The following TTN variants were observed in gnomAD, a reference collection of about 807,000 sequenced individuals.
TTN encodes titin.
In TTN, 1,525 loss-of-function variants were observed where a neutral mutation model predicts 3,223.0. The ratio of observed to expected loss-of-function variants is 0.47; its 90% CI spans 0.45 to 0.49. The LOEUF (loss-of-function observed/expected upper bound fraction) is 0.49, where lower values mean the gene tolerates loss of function less well. Ranked by LOEUF, TTN falls within the 20% of genes least tolerant of loss-of-function variation. TTN has a pLI of 0.00. For synonymous variants in TTN, 14,094 were observed against 15,161.0 expected, an observed-to-expected ratio of 0.93 and a Z score of 5.17; for missense variants, 40,786 against 43,424.0, an observed-to-expected ratio of 0.94 and a Z score of 5.40.
Position 178,549,996 on chromosome 2 carries a change from C to G in TTN, c.91842G>C (p.Val30614=). The G allele has an allele frequency of 6.2e-6, 10 of 1,607,498 alleles. No homozygotes were observed. Among genetic ancestry groups the G allele is most frequent in the South Asian group, 1.1e-5 (1 of 90,458 alleles). ...CTATTTTAAAAGTACCTTGTACTTT[C>G]ACTTTAATTTCTGCTTTTGCAGAAC... ...ASGSAKAEIK[V]KVQDTPGKVV... is the part of the protein sequence containing the mutation. The change falls in exon 337 of 363, where the codon GTG becomes GTC. Residue 30614 remains valine, a synonymous_variant. Coordinates refer to ENST00000589042, the MANE Select transcript of TTN (RefSeq NM_001267550.2).
Position 178,555,008 on chromosome 2 carries a change from T to C in TTN, c.88451A>G (p.Asn29484Ser). The change falls in exon 331 of 363, where the codon AAT (asparagine) becomes AGT (serine). Residue 29484 changes from asparagine to serine, a missense_variant. By Grantham distance (46) the Asn-to-Ser change is conservative (BLOSUM62 1). Transcript: ENST00000589042. ...GGTATTTTCAACACACACCAGTGCA[T>C]TGGTTTGTAATTCTTTATCATCTTT... is the stretch of plus-strand genomic sequence containing the variant. ...WYKDDKELQT[N>S]ALVCVENTTD... The C allele has an allele frequency of 1.9e-6, 3 of 1,613,700 alleles. No homozygotes were observed. Among genetic ancestry groups the C allele is most frequent in the Non-Finnish European group, 2.5e-6 (3 of 1,179,786 alleles).
chr2:178,542,722 T>G lies in TTN; in HGVS notation c.97132A>C (p.Thr32378Pro). Reference sequence around the variant, plus strand: ...CCGGTAACATTCTTCAATTCAAGTGTGTATTCTCCAGTATCTCTGATAGTG... The same window carrying G: ...CCGGTAACATTCTTCAATTCAAGTGGGTATTCTCCAGTATCTCTGATAGTG... ...ETTIRDTGEY[T>P]LELKNVTGTT... Residue 32378 changes from threonine to proline, a missense_variant, in exon 348 of 363, where the codon ACA becomes CCA. By Grantham distance (38) the Thr-to-Pro change is conservative. Coordinates refer to ENST00000589042, the MANE Select transcript of TTN (RefSeq NM_001267550.2). 1 of 1,613,874 alleles carries G rather than the reference T, an allele frequency of 6.2e-7. No homozygotes were observed. Among genetic ancestry groups the G allele is most frequent in the East Asian group, 2.2e-5 (1 of 44,876 alleles).
Position 178,649,568 on chromosome 2 carries a change from G to A in TTN, c.39959C>T (p.Thr13320Ile). The change falls in exon 212 of 363, where the codon ACA becomes ATA. Residue 13320 changes from threonine (T) to isoleucine (I), a missense_variant. Thr to Ile is a moderately conservative substitution (Grantham distance 89, BLOSUM62 -1). Transcript: ENST00000589042. ...KKVPTVKKPE[T>I]PAAKVPEVPK... ...GAAGTGAATACCTTTAGCTGCTGGT[G>A]TTTCTGGCTTCTTAACAGTTGGGAC... 6.5e-7 allele frequency: 1 copy of A among 1,549,798 alleles called. No individual in the cohort carries two copies. The highest frequency in any genetic ancestry group is 8.7e-7 in the Non-Finnish European group (1 of 1,146,510).
Position 178,731,622 on chromosome 2 carries a change from T to C in TTN, c.17183-39A>G, listed in dbSNP as rs991198413. 29 of 1,571,164 alleles carry C rather than the reference T, an allele frequency of 1.8e-5. No individual in the cohort carries two copies. The East Asian group carries it at 5.2e-4, about 28-fold the overall frequency. The stretch of plus-strand genomic sequence containing the variant: ...GAATTCTCAATCAATATTATCCCTA[T>C]AGCAAAAGTGGCTTAAAAAAAAGAA... On this transcript the variant is annotated intron_variant, in intron 58 of 362. Coordinates refer to ENST00000589042, the MANE Select transcript of TTN (RefSeq NM_001267550.2).
At position 178,526,939 on chromosome 2, in the gene TTN, C is replaced by T; in HGVS notation, c.*73G>A. 1.5e-6 allele frequency: 2 copies of T among 1,348,990 alleles called. No homozygotes were observed. The highest frequency in any genetic ancestry group is 1.5e-5 in the African/African-American group (1 of 68,174). 83.6% of individuals were successfully genotyped at this position (1,348,990 alleles called of 1,614,324 possible). A position where few individuals can be genotyped will look rare whatever the true frequency, so the allele number is the denominator to read the frequency against. ...TTTTTTTCTTTAAATATTTACAGTTCAGAAAGATTAGTCCGTGTGAAACGT... is the reference window on the plus strand; with the variant it reads ...TTTTTTTCTTTAAATATTTACAGTTTAGAAAGATTAGTCCGTGTGAAACGT... On this transcript the variant is annotated 3_prime_UTR_variant, in exon 363 of 363. Coordinates refer to ENST00000589042, the MANE Select transcript of TTN (RefSeq NM_001267550.2).
At chr2:178,651,369 T>C (rs1560096229) in intron 207 of TTN, 49 bp from the exon 208 acceptor site, 2 of 1,606,580 alleles carry the variant, frequency 1.2e-6, no homozygotes, top group Non-Finnish European at 8.5e-7. Flanking sequence ...CCAGTAAACA[T>C]TCATCACATT....
In TTN at chr2:178,629,350, A is replaced by T. The variant is rs747654057; in HGVS notation, c.44375T>A (p.Ile14792Asn). ...CCCTTTGAGATACCATTCCACTGGG[A>T]TATCTTCGTAGGAGAGCTCGCAGTC... ...TFDCELSYED[I>N]PVEWYLKGKK... The change falls in exon 240 of 363, where the codon ATC becomes AAC. Residue 14792 changes from isoleucine to asparagine, a missense_variant. Transcript: ENST00000589042. 3.5e-5 allele frequency: 57 copies of T among 1,612,784 alleles called. No individual in the cohort carries two copies. The highest frequency in any genetic ancestry group is 4.4e-5 in the Non-Finnish European group (52 of 1,179,294).
rs757783646 is a variant in TTN at position 178,537,103 on chromosome 2, C to T, written c.100006G>A (p.Gly33336Arg). Residue 33336 changes from glycine (G) to arginine (R), a missense_variant, in exon 356 of 363, where the codon GGG (glycine) becomes AGG (arginine). Gly to Arg is a moderately radical substitution (Grantham distance 125). Transcript: ENST00000589042. ...YVVEKCEAKE[G>R]AEWQLVSSAI... ...GAAGACACCAATTGCCATTCAGCCC[C>T]CTCCTTGGCCTCACATTTTTCCACC... 2.5e-6 allele frequency: 4 copies of T among 1,613,118 alleles called. No homozygotes were observed. The African/African-American group carries it at 4.0e-5, about 16-fold the overall frequency.
Position 178,565,674 on chromosome 2 carries a change from G to T in TTN, c.80458C>A (p.Gln26820Lys). 1 of 1,613,606 alleles carries T rather than the reference G, an allele frequency of 6.2e-7. No homozygotes were observed. Residue 26820 changes from glutamine to lysine, a missense_variant, in exon 326 of 363, where the codon CAG (glutamine) becomes AAG (lysine). Transcript: ENST00000589042. ...SRVLGYVVEM[Q>K]PKGTEKWSIV... Reference sequence around the variant, plus strand: ...CTCCATTTTTCAGTTCCTTTGGGCTGCATTTCAACAACGTACCCCAGGACT... The same window carrying T: ...CTCCATTTTTCAGTTCCTTTGGGCTTCATTTCAACAACGTACCCCAGGACT...
In TTN at chr2:178,527,497, TA is replaced by T. The variant is rs766624923; in HGVS notation, c.107628del (p.Asn35876LysfsTer2). On this transcript the variant is annotated frameshift_variant, in exon 362 of 363. Coordinates refer to ENST00000589042, the MANE Select transcript of TTN (RefSeq NM_001267550.2). LOFTEE classifies it high-confidence loss of function. ...CTAGTTGAGCTTTCCAGTTGTGTCATATTAGATATTCCCATAAAGCTGCTGG... is the reference window on the plus strand; with the variant it reads ...CTAGTTGAGCTTTCCAGTTGTGTCATTTAGATATTCCCATAAAGCTGCTGG... ...MSSSSFMGISNMTQLESSTSK... is the reference protein window; with the variant it reads ...MSSSSFMGISXMTQLESSTSK... The T allele has an allele frequency of 3.1e-6, 5 of 1,613,910 alleles. No individual in the cohort carries two copies. The African/African-American group carries it at 5.3e-5, about 17-fold the overall frequency.
In TTN at chr2:178,731,759, C is replaced by G. The variant is rs376593556; in HGVS notation, c.17116G>C (p.Glu5706Gln). ...TCATTGGTCACCCGACACTGGTATTCGCCAGCATCTGCAGCTACAAACTTG... is the reference window on the plus strand; with the variant it reads ...TCATTGGTCACCCGACACTGGTATTGGCCAGCATCTGCAGCTACAAACTTG... ...ILKFVAADAG[E>Q]YQCRVTNEVG... Residue 5706 changes from glutamate (E) to glutamine (Q), a missense_variant, in exon 58 of 363, where the codon GAA (glutamate) becomes CAA (glutamine). By Grantham distance (29) the Glu-to-Gln change is conservative. Coordinates refer to ENST00000589042, the MANE Select transcript of TTN (RefSeq NM_001267550.2). 1 of 1,613,748 alleles carries G rather than the reference C, an allele frequency of 6.2e-7. No individual in the cohort carries two copies. Among genetic ancestry groups the G allele is most frequent in the South Asian group, 1.1e-5 (1 of 91,062 alleles).
rs1301441435 is a variant in TTN at position 178,540,353 on chromosome 2, G to A, written c.97813C>T (p.Gln32605Ter). 6.2e-7 allele frequency: 1 copy of A among 1,612,146 alleles called. No homozygotes were observed. Among genetic ancestry groups the A allele is most frequent in the Admixed American group, 1.7e-5 (1 of 59,870 alleles). The change falls in exon 351 of 363, where the codon CAA (glutamine) becomes TAA (stop). Residue 32605 changes from glutamine (Q) to a stop codon, truncating the protein, a stop_gained. Transcript: ENST00000589042. LOFTEE classifies it high-confidence loss of function. ...MDPIAPPGKP[Q>*]NPRVTDTTRT... ...GTTGTATCAGTAACTCTTGGGTTTT[G>A]TGGCTTTCCTGGAGGAGCTGAGAAT...
rs377334665 is a variant in TTN at position 178,572,798 on chromosome 2, G to A, written c.73334C>T (p.Thr24445Ile). 342 of 1,613,322 alleles carry A rather than the reference G, an allele frequency of 2.1e-4. No homozygotes were observed. Among genetic ancestry groups the A allele is most frequent in the Non-Finnish European group, 2.6e-4 (309 of 1,179,610 alleles). ...TTTGATGGGAACAAAAAGTCTCAGG[G>A]TGCAGCAGGCCCTTATAGTAACAAC... is the stretch of plus-strand genomic sequence containing the variant. Reference protein sequence around the residue: ...RKVVTIRACCTLRLFVPIKGR... With the variant: ...RKVVTIRACCILRLFVPIKGR... Residue 24445 changes from threonine (T) to isoleucine (I), a missense_variant, in exon 326 of 363, where the codon ACC (threonine) becomes ATC (isoleucine). Coordinates refer to ENST00000589042, the MANE Select transcript of TTN (RefSeq NM_001267550.2).
Position 178,595,667 on chromosome 2 carries a change from T to C in TTN, c.57687A>G (p.Arg19229=). The C allele has an allele frequency of 6.2e-7, 1 of 1,608,678 alleles. No homozygotes were observed. Among genetic ancestry groups the C allele is most frequent in the Non-Finnish European group, 8.5e-7 (1 of 1,177,508 alleles). ...YVIEKRESDR[R]AWTPVTYTVT... is the part of the protein sequence containing the mutation. ...CTGTATATGTCACTGGGGTCCATGCTCTGCGGTCAGATTCACGCTTTTCAA... is the reference window on the plus strand; with the variant it reads ...CTGTATATGTCACTGGGGTCCATGCCCTGCGGTCAGATTCACGCTTTTCAA... Residue 19229 remains arginine, a synonymous_variant, in exon 295 of 363, where the codon AGA becomes AGG. Transcript: ENST00000589042.
Position 178,576,990 on chromosome 2 carries a change from T to G in TTN, c.69345A>C (p.Ser23115=). The G allele has an allele frequency of 6.2e-7, 1 of 1,613,536 alleles. No homozygotes were observed. Among genetic ancestry groups the G allele is most frequent in the Non-Finnish European group, 8.5e-7 (1 of 1,179,582 alleles). The change falls in exon 324 of 363, where the codon TCA becomes TCC. Residue 23115 remains serine, a synonymous_variant. Transcript: ENST00000589042. The surrounding 1 kb of genome is among the most constrained non-coding windows in gnomAD (Gnocchi z 4.3). ...CTCCTTTGCCATAGTGGTTTACAGCTGAGACCCGGAAGATGTACTCATTTC... is the reference window on the plus strand; with the variant it reads ...CTCCTTTGCCATAGTGGTTTACAGCGGAGACCCGGAAGATGTACTCATTTC... ...IQGNEYIFRV[S]AVNHYGKGEP... is the part of the protein sequence containing the mutation.
In TTN at chr2:178,667,737, T is replaced by C. The variant is rs764967906; in HGVS notation, c.35546-16A>G. Reference sequence around the variant, plus strand: ...GCTTCATAAACTTTAAAGATATTAGTATTTAAATAATTAGGATGTTTCAAG... The same window carrying C: ...GCTTCATAAACTTTAAAGATATTAGCATTTAAATAATTAGGATGTTTCAAG... On this transcript the variant is annotated splice_polypyrimidine_tract_variant and intron_variant, in intron 159 of 362. Coordinates refer to ENST00000589042, the MANE Select transcript of TTN (RefSeq NM_001267550.2). 10 of 1,505,844 alleles carry C rather than the reference T, an allele frequency of 6.6e-6. No homozygotes were observed. Among genetic ancestry groups the C allele is most frequent in the Non-Finnish European group, 9.0e-6 (10 of 1,107,406 alleles). The allele number at this position is 1,505,844 out of a possible 1,614,324, so 93.3% of individuals were successfully genotyped here.
chr2:178,710,799 T>C lies in TTN; in HGVS notation c.28298A>G (p.Asp9433Gly), dbSNP rs1441669143. 6.2e-7 allele frequency: 1 copy of C among 1,613,836 alleles called. No individual in the cohort carries two copies. The highest frequency in any genetic ancestry group is 8.5e-7 in the Non-Finnish European group (1 of 1,179,852). ...TCCGCCACTTCGTATTTCTCTGCTG[T>C]CTTTGGCCCAGCTGACCTTTATCGG... ...TQPIKVSWAK[D>G]SREIRSGGKY... is the part of the protein sequence containing the mutation. The change falls in exon 98 of 363, where the codon GAC becomes GGC. Residue 9433 changes from aspartate to glycine, a missense_variant. Coordinates refer to ENST00000589042, the MANE Select transcript of TTN (RefSeq NM_001267550.2).
chr2:178,717,186 G>A lies in TTN; in HGVS notation c.25548C>T (p.Leu8516=). The A allele has an allele frequency of 6.2e-7, 1 of 1,613,604 alleles. No homozygotes were observed. The highest frequency in any genetic ancestry group is 1.1e-5 in the South Asian group (1 of 91,048). ...GCCCGGCATCGCCTTTGCCTACTTTGAGAACTGTCAGAGTGGCAGTATTTT... is the reference window on the plus strand; with the variant it reads ...GCCCGGCATCGCCTTTGCCTACTTTAAGAACTGTCAGAGTGGCAGTATTTT... ...LVENTATLTV[L]KVGKGDAGQY... is the part of the protein sequence containing the mutation. The change falls in exon 88 of 363, where the codon CTC becomes CTT. Residue 8516 remains leucine, a synonymous_variant. Transcript: ENST00000589042.
intron 159 of TTN, among the ~76,000 whole-genome samples, chr2:178,668,440 A>C (rs980296988): frequency 6.6e-6 from 1 of 152,142 alleles, no homozygotes; most frequent in Admixed American, 6.5e-5. Flanking sequence ...ATTAAAAAAA[A>C]TGGAAGCGGG....
Sources: gnomAD v4.1 joint callset for allele counts (sites outside exome capture counted in the v4.1 genomes callset) on GRCh38, gnomAD v4.1.1 for gene constraint, Gnocchi (gnomAD v3.1) non-coding constraint, MANE v1.5 for transcripts, NCBI Gene and HGNC (gene_info 2026-07-23, HGNC 2026-07-21) for gene names.